The following SLC16A3 variants were observed in gnomAD, a reference collection of about 807,000 sequenced individuals.
The protein encoded by SLC16A3 is solute carrier family 16 member 3, also known as monocarboxylate transporter 4.
Under a neutral mutation model 25.0 loss-of-function variants are expected in SLC16A3, and 22 were observed. The observed-to-expected ratio is 0.88, with a 90% CI of 0.63 to 1.26. The LOEUF is 1.26. Ranked by LOEUF, SLC16A3 falls within the 50% of genes most tolerant of loss-of-function variation. The pLI, the probability that SLC16A3 is intolerant of heterozygous loss-of-function variation, is 0.00. For synonymous variants in SLC16A3, 390 were observed against 309.2 expected (o/e 1.26, Z -2.74); for missense variants, 731 against 666.6 (o/e 1.10, Z -1.06).
chr17:82,218,021 G>A (rs2050365862), exon 1 of SLC16A3, among the ~76,000 whole-genome samples: 1 of 152,248 alleles, frequency 6.6e-6, no homozygotes, highest in Non-Finnish European at 1.5e-5. Context: ...GAAGGCCAAG[G>A]GCACTTCAGA....
chr17:82,236,769 G>A lies in SLC16A3; in HGVS notation c.264G>A (p.Arg88=). The change falls in exon 3 of 5, where the codon CGG becomes CGA. Residue 88 remains arginine (R), a synonymous_variant. Coordinates refer to ENST00000582743, the MANE Select transcript of SLC16A3 (RefSeq NM_004207.4). ...CSVCVNRFGC[R]PVMLVGGLFA... ...TGTGCGTGAACCGCTTTGGCTGCCG[G>A]CCCGTCATGCTTGTGGGGGGTCTCT... 1 of 1,608,732 alleles carries A rather than the reference G, an allele frequency of 6.2e-7. No homozygotes were observed.
At chr17:82,233,986 G>A (rs111522557) in intron 1 of SLC16A3, 3,598 of 152,228 alleles carry the variant, frequency 0.024, 68 homozygotes, top group Non-Finnish European at 0.038. Context: ...GACTACAGGC[G>A]CCTGCCACTG....
intron 1 of SLC16A3, chr17:82,230,834 C>T (rs2050482198): frequency 6.6e-6 from 1 of 152,214 alleles, no homozygotes; most frequent in Admixed American, 6.5e-5. Context: ...TCAGGCCCAT[C>T]TGTGAAATGG....
Position 82,239,079 on chromosome 17 carries a change from G to A in SLC16A3, c.*103G>A, listed in dbSNP as rs1057332490. The A allele has an allele frequency of 4.2e-6, 5 of 1,184,386 alleles. No individual in the cohort carries two copies. The highest frequency in any genetic ancestry group is 2.7e-5 in the Admixed American group (1 of 37,312). 73.4% of individuals were successfully genotyped at this position (1,184,386 alleles called of 1,614,324 possible). The stretch of plus-strand genomic sequence containing the variant: ...CTGGCTCAGGCAGGGCCACGGCTGG[G>A]CTCCAGCTGCCGGCCCAGCGGATCG... On this transcript the variant is annotated 3_prime_UTR_variant, in exon 5 of 5. Coordinates refer to ENST00000582743, the MANE Select transcript of SLC16A3 (RefSeq NM_004207.4).
intron 4 of SLC16A3, 78 bp from the exon 5 acceptor site, chr17:82,238,624 A>G: frequency 7.0e-7 from 1 of 1,431,680 alleles, no homozygotes; most frequent in Non-Finnish European, 9.3e-7. Flanking sequence ...TGAGACACCG[A>G]GACACAGGCT....
Position 82,239,082 on chromosome 17 carries a change from C to A in SLC16A3, c.*106C>A. 1 of 1,148,464 alleles carries A rather than the reference C, an allele frequency of 8.7e-7. No individual in the cohort carries two copies. The highest frequency in any genetic ancestry group is 1.2e-6 in the Non-Finnish European group (1 of 836,862). The allele number at this position is 1,148,464 out of a possible 1,614,324, so 71.1% of individuals were successfully genotyped here. A position where few individuals can be genotyped will look rare whatever the true frequency, so the allele number is the denominator to read the frequency against. Reference sequence around the variant, plus strand: ...GCTCAGGCAGGGCCACGGCTGGGCTCCAGCTGCCGGCCCAGCGGATCGTCG... The same window carrying A: ...GCTCAGGCAGGGCCACGGCTGGGCTACAGCTGCCGGCCCAGCGGATCGTCG... On this transcript the variant is annotated 3_prime_UTR_variant, in exon 5 of 5. Transcript: ENST00000582743.
rs1234839286 is a variant in SLC16A3 at position 82,237,395 on chromosome 17, G to C, written c.625G>C (p.Gly209Arg). 2 of 1,553,710 alleles carry C rather than the reference G, an allele frequency of 1.3e-6. No homozygotes were observed. The highest frequency in any genetic ancestry group is 2.7e-5 in the African/African-American group (2 of 73,530). Reference protein sequence around the residue: ...PLVVTAQPGSGPPRPSRRLLD... With the variant: ...PLVVTAQPGSRPPRPSRRLLD... ...GGTGGTCACGGCCCAGCCGGGCTCG[G>C]GGCCGCCGCGACCCTCCCGGCGCCT... Residue 209 changes from glycine (G) to arginine (R), a missense_variant, in exon 4 of 5, where the codon GGG becomes CGG. Coordinates refer to ENST00000582743, the MANE Select transcript of SLC16A3 (RefSeq NM_004207.4).
chr17:82,231,180 C>T (rs941090507), intron 1 of SLC16A3: 2 of 152,176 alleles, frequency 1.3e-5, no homozygotes, highest in African/African-American at 2.4e-5. Flanking sequence ...CTTCCCTCCC[C>T]CTCCCCCGGG....
Position 82,238,869 on chromosome 17 carries a change from A to G in SLC16A3, c.1291A>G (p.Lys431Glu), listed in dbSNP as rs766280401. 6 of 1,611,686 alleles carry G rather than the reference A, an allele frequency of 3.7e-6. No individual in the cohort carries two copies. The East Asian group carries it at 8.9e-5, about 24-fold the overall frequency. The change falls in exon 5 of 5, where the codon AAG becomes GAG. Residue 431 changes from lysine to glutamate, a missense_variant. By Grantham distance (56) the Lys-to-Glu change is moderately conservative (BLOSUM62 1). Coordinates refer to ENST00000582743, the MANE Select transcript of SLC16A3 (RefSeq NM_004207.4). ...GGCCGCGGAGGAGGAGAAGCTCCACAAGCCTCCTGCAGACTCGGGGGTGGA... is the reference window on the plus strand; with the variant it reads ...GGCCGCGGAGGAGGAGAAGCTCCACGAGCCTCCTGCAGACTCGGGGGTGGA... ...VAAAEEEKLH[K>E]PPADSGVDLR...
intron 1 of SLC16A3, among the ~76,000 whole-genome samples, chr17:82,220,353 C>T (rs1036910138): frequency 1.3e-5 from 2 of 152,222 alleles, no homozygotes; most frequent in African/African-American, 2.4e-5. Flanking sequence ...CTCCACTCCA[C>T]CCCAGGAGTG....
At chr17:82,225,268 T>A (rs115596912), upstream of SLC16A3, among the ~76,000 whole-genome samples, 2,029 of 151,696 alleles carry the variant, frequency 0.013, 46 homozygotes, top group African/African-American at 0.046. Flanking sequence ...CAAAAAAAAA[T>A]AATAATAATA....
intron 2 of SLC16A3, 108 bp from the exon 3 acceptor site, chr17:82,236,621 G>A (rs1004512072): frequency 2.0e-6 from 3 of 1,477,682 alleles, no homozygotes; most frequent in Non-Finnish European, 2.7e-6. Flanking sequence ...CCCGCGGGGG[G>A]AGGGGTGGTG....
At chr17:82,219,986 G>A (rs1215551331) in intron 1 of SLC16A3, among the ~76,000 whole-genome samples, 5 of 152,176 alleles carry the variant, frequency 3.3e-5, no homozygotes, top group African/African-American at 1.2e-4. Flanking sequence ...ACGCACTCCA[G>A]GATGCTGGAC....
rs777264484 is a variant in SLC16A3, at chr17:82,236,247, C to T, written c.223+16C>T. ...TACGGGACAGGTGAGGGTGGCCTCA[C>T]ACCGGGCCCCCTGTCCGGGGCTCTG... On this transcript the variant is annotated intron_variant, in intron 2 of 4. Coordinates refer to ENST00000582743, the MANE Select transcript of SLC16A3 (RefSeq NM_004207.4). 12 of 1,607,168 alleles carry T rather than the reference C, an allele frequency of 7.5e-6. No individual in the cohort carries two copies. The highest frequency in any genetic ancestry group is 5.5e-5 in the South Asian group (5 of 91,006).
At chr17:82,227,898 G>A (rs1455955415), upstream of SLC16A3, among the ~76,000 whole-genome samples, 1 of 152,150 alleles carries the variant, frequency 6.6e-6, no homozygotes, top group Admixed American at 6.5e-5. Flanking sequence ...AAGAACAGGC[G>A]GCCTTACTGG....
rs2050646278 is a variant in SLC16A3, at chr17:82,237,729, G to A, written c.959G>A (p.Gly320Asp). ...GGTTCTACGGCGGGCGACTACGGCG[G>A]CCTCGTGGTCTTCTGCATCTTCTTT... Reference protein sequence around the residue: ...LAGSTAGDYGGLVVFCIFFGI... With the variant: ...LAGSTAGDYGDLVVFCIFFGI... The change falls in exon 4 of 5, where the codon GGC becomes GAC. Residue 320 changes from glycine (G) to aspartate (D), a missense_variant. Physicochemically the swap from Gly to Asp is moderately conservative, Grantham distance 94. Transcript: ENST00000582743. The A allele has an allele frequency of 2.5e-6, 4 of 1,612,058 alleles. No individual in the cohort carries two copies. Among genetic ancestry groups the A allele is most frequent in the Non-Finnish European group, 3.4e-6 (4 of 1,179,928 alleles).
chr17:82,229,334 C>T (rs2050457102), intron 1 of SLC16A3: 1 of 152,216 alleles, frequency 6.6e-6, no homozygotes, highest in Admixed American at 6.5e-5. Context: ...CCTGGCTGCC[C>T]AGTCTCGTCT....
Position 82,236,721 on chromosome 17 carries a change from C to G in SLC16A3, c.224-8C>G, listed in dbSNP as rs777650791. 4.4e-6 allele frequency: 7 copies of G among 1,603,396 alleles called. No homozygotes were observed. Among genetic ancestry groups the G allele is most frequent in the Non-Finnish European group, 5.9e-6 (7 of 1,178,608 alleles). ...GGCCCGGCCCCTCTCAGCTGCTGCC[C>G]TCTCCAGGTCCGCTCTGCAGTGTGT... On this transcript the variant is annotated splice_region_variant and splice_polypyrimidine_tract_variant and intron_variant, in intron 2 of 4. Transcript: ENST00000582743.
rs1390615828 is a variant in SLC16A3, at chr17:82,237,218, G to C, written c.448G>C (p.Gly150Arg). The change falls in exon 4 of 5, where the codon GGG becomes CGG. Residue 150 changes from glycine (G) to arginine (R), a missense_variant. By Grantham distance (125) the Gly-to-Arg change is moderately radical. Coordinates refer to ENST00000582743, the MANE Select transcript of SLC16A3 (RefSeq NM_004207.4). Reference protein sequence around the residue: ...YFSKRRPMANGLAAAGSPVFL... With the variant: ...YFSKRRPMANRLAAAGSPVFL... Reference sequence around the variant, plus strand: ...CAGCAAGCGGCGCCCCATGGCCAACGGGCTGGCGGCAGCAGGTAGCCCTGT... The same window carrying C: ...CAGCAAGCGGCGCCCCATGGCCAACCGGCTGGCGGCAGCAGGTAGCCCTGT... The C allele has an allele frequency of 6.5e-7, 1 of 1,547,380 alleles. No individual in the cohort carries two copies. Among genetic ancestry groups the C allele is most frequent in the Non-Finnish European group, 8.7e-7 (1 of 1,145,934 alleles).
Sources: gnomAD v4.1 joint callset for allele counts (sites outside exome capture counted in the v4.1 genomes callset) on GRCh38, gnomAD v4.1.1 for gene constraint, MANE v1.5 for transcripts, NCBI Gene and HGNC (gene_info 2026-07-23, HGNC 2026-07-21) for gene names.